GABRA4: variants seen among roughly 807,000 people sequenced by gnomAD.
The protein encoded by GABRA4 is gamma-aminobutyric acid type A receptor subunit alpha4.
GABRA4 carries 12 observed loss-of-function variants against 49.7 expected under a neutral mutation model. The observed-to-expected ratio is 0.24, with a 90% CI of 0.15 to 0.39. The LOEUF (loss-of-function observed/expected upper bound fraction) is 0.39, where lower values mean the gene tolerates loss of function less well. GABRA4 is among the 10% of genes least tolerant of loss of function. The pLI, the probability that GABRA4 is intolerant of heterozygous loss-of-function variation, is 1.00. For synonymous variants in GABRA4, 288 were observed against 240.2 expected, an observed-to-expected ratio of 1.20 and a Z score of -1.84; for missense variants, 506 against 686.0, an observed-to-expected ratio of 0.74 and a Z score of 2.93.
At chr4:46,988,775 CTT>C (rs1424296449) in intron 2 of GABRA4, among the ~76,000 whole-genome samples, 3 of 152,140 alleles carry the variant, frequency 2.0e-5, no homozygotes, top group African/African-American at 4.8e-5. Context: ...AAATTTGACT[CTT>C]GATAAACAGG....
intron 3 of GABRA4, 98 bp downstream of exon 3, chr4:46,978,933 G>A (rs1162037354): frequency 1.3e-6 from 1 of 792,472 alleles, no homozygotes; most frequent in African/African-American, 1.7e-5. Context: ...TAGGTTTCTG[G>A]CTTTGTGTGA....
chr4:46,977,276 AGGAGGAAGGGAG>A lies in GABRA4; in HGVS notation c.494+122_494+133del, dbSNP rs992717277. The A allele has an allele frequency of 1.3e-3, 428 of 339,866 alleles. 1 individual carries two copies. Among genetic ancestry groups the A allele is most frequent in the African/African-American group, 7.3e-3 (240 of 32,692 alleles). The allele number at this position is 339,866 out of a possible 1,614,324, so 21.1% of individuals were successfully genotyped here. A position where few individuals can be genotyped will look rare whatever the true frequency, so the allele number is the denominator to read the frequency against. On this transcript the variant is annotated intron_variant, in intron 4 of 8. Transcript: ENST00000264318. The stretch of plus-strand genomic sequence containing the variant: ...GGAAGAAAAGGAAGGAAGGAAGGGA[AGGAGGAAGGGAG>A]GGAGGAAGGGAGGGAGGAAGGGAGG...
At chr4:46,950,612 C>T (rs1722134222) in intron 8 of GABRA4, among the ~76,000 whole-genome samples, 1 of 151,692 alleles carries the variant, frequency 6.6e-6, no homozygotes, top group African/African-American at 2.4e-5. Flanking sequence ...ATCTCAGGCT[C>T]ATTTCTTCAT....
Position 46,925,426 on chromosome 4 carries a change from G to T in GABRA4, c.*2799C>A, listed in dbSNP as rs558083648. ...TATGTAGCAGTTAGTGGCCAACATG[G>T]ACTGCAGATACTAGGTCCTGAATAA... On this transcript the variant is annotated 3_prime_UTR_variant, in exon 9 of 9. Transcript: ENST00000264318. The T allele has an allele frequency of 6.6e-6, 1 of 151,944 alleles. No homozygotes were observed. Among genetic ancestry groups the T allele is most frequent in the African/African-American group, 2.4e-5 (1 of 41,508 alleles). 9.4% of individuals were successfully genotyped at this position (151,944 alleles called of 1,614,324 possible). A position where few individuals can be genotyped will look rare whatever the true frequency, so the allele number is the denominator to read the frequency against.
rs1720999958 is a variant in GABRA4, at chr4:46,920,883, T to C, written c.*7342A>G. The C allele has an allele frequency of 6.6e-6, 1 of 151,900 alleles. No individual in the cohort carries two copies. Among genetic ancestry groups the C allele is most frequent in the African/African-American group, 2.4e-5 (1 of 41,440 alleles). The allele number at this position is 151,900 out of a possible 1,614,324, so 9.4% of individuals were successfully genotyped here. ...TATTTAATTTATCCTTTACTACTTG[T>C]GTAACATAATCAACTCTGTCATAGC... On this transcript the variant is annotated 3_prime_UTR_variant, in exon 9 of 9. Transcript: ENST00000264318.
chr4:46,957,325 TC>T (rs1194662494), intron 8 of GABRA4, among the ~76,000 whole-genome samples: 1 of 151,924 alleles, frequency 6.6e-6, no homozygotes, highest in Non-Finnish European at 1.5e-5. Flanking sequence ...ATTTATACAT[TC>T]TTTTTTTAAC....
chr4:46,965,149 T>C lies in GABRA4; in HGVS notation c.955A>G (p.Met319Val), dbSNP rs1210193529. ...AAGCAGACAGCTATGAACCAGTCCA[T>C]GGCGGTAGCATAGGACACTTTGGGC... ...SLPKVSYATAMDWFIAVCFAF... is the reference protein window; with the variant it reads ...SLPKVSYATAVDWFIAVCFAF... The change falls in exon 8 of 9, where the codon ATG becomes GTG. Residue 319 changes from methionine (M) to valine (V), a missense_variant. Physicochemically the swap from Met to Val is conservative, Grantham distance 21. Coordinates refer to ENST00000264318, the MANE Select transcript of GABRA4 (RefSeq NM_000809.4). 6.2e-7 allele frequency: 1 copy of C among 1,611,738 alleles called. No homozygotes were observed. The highest frequency in any genetic ancestry group is 1.1e-5 in the South Asian group (1 of 90,908).
intron 8 of GABRA4, among the ~76,000 whole-genome samples, chr4:46,932,782 T>C (rs10024134): frequency 0.13 from 20,359 of 152,114 alleles, 1,479 homozygotes; most frequent in South Asian, 0.25. Flanking sequence ...TTTTAAAAAA[T>C]TGCCTATACG....
intron 7 of GABRA4, among the ~76,000 whole-genome samples, chr4:46,966,586 C>T (rs1722759852): frequency 6.6e-6 from 1 of 151,688 alleles, no homozygotes; most frequent in Non-Finnish European, 1.5e-5. Flanking sequence ...AAGATTGCTT[C>T]AGGTTTATAA....
intron 4 of GABRA4, 80 bp downstream of exon 4, chr4:46,977,330 A>AGGGAGGG (rs1723177400): frequency 1.9e-6 from 1 of 532,120 alleles, no homozygotes. Flanking sequence ...GGGAGGGAGG[A>AGGGAGGG]AGGAAGGAAG....
At chr4:46,978,188 C>T (rs1723210978) in intron 3 of GABRA4, among the ~76,000 whole-genome samples, 1 of 151,924 alleles carries the variant, frequency 6.6e-6, no homozygotes, top group Non-Finnish European at 1.5e-5. Context: ...GAGAGCACAA[C>T]TGTATGGATG....
chr4:46,965,551 C>T (rs1248484427), intron 7 of GABRA4, among the ~76,000 whole-genome samples: 5 of 151,770 alleles, frequency 3.3e-5, no homozygotes, highest in South Asian at 2.1e-4. Flanking sequence ...AAGCATGTAA[C>T]GCACGTAGCA....
intron 2 of GABRA4, among the ~76,000 whole-genome samples, chr4:46,988,097 A>C (rs1723606462): frequency 6.6e-6 from 1 of 152,092 alleles, no homozygotes; most frequent in Non-Finnish European, 1.5e-5. Context: ...GTTCTCTCTG[A>C]GAATTACTTT....
chr4:46,934,612 A>G (rs1721545772), intron 8 of GABRA4, among the ~76,000 whole-genome samples: 1 of 152,188 alleles, frequency 6.6e-6, no homozygotes, highest in Non-Finnish European at 1.5e-5. Context: ...AGGCACTGGG[A>G]TAAACTTTTG....
intron 7 of GABRA4, 60 bp from the exon 8 acceptor site, chr4:46,965,289 C>T (rs1029328859): frequency 3.7e-5 from 49 of 1,319,106 alleles, no homozygotes; most frequent in East Asian, 5.4e-5. Context: ...TAAAAAGCAC[C>T]GCCACCACCA....
intron 2 of GABRA4, among the ~76,000 whole-genome samples, chr4:46,981,165 A>C (rs184181129): frequency 9.2e-5 from 14 of 152,228 alleles, no homozygotes; most frequent in Admixed American, 2.0e-4. Context: ...TACAGTGTTC[A>C]TCTGTTTTCT....
At chr4:46,959,834 A>ATATATGTG (rs142211586) in intron 8 of GABRA4, among the ~76,000 whole-genome samples, 4 of 140,280 alleles carry the variant, frequency 2.9e-5, no homozygotes, top group Non-Finnish European at 4.6e-5. Flanking sequence ...ATATATATAT[A>ATATATGTG]TGTGTGTGTG....
chr4:46,959,499 G>A (rs1339669522), intron 8 of GABRA4, among the ~76,000 whole-genome samples: 2 of 151,808 alleles, frequency 1.3e-5, no homozygotes, highest in Non-Finnish European at 2.9e-5. Context: ...TGTGCCATTT[G>A]CACACAGCAT....
At chr4:46,993,253 G>C (rs1285332439) in intron 1 of GABRA4, 86 bp downstream of exon 1, 11 of 1,137,506 alleles carry the variant, frequency 9.7e-6, no homozygotes, top group Middle Eastern at 2.1e-4. Context: ...AGTCCACCCA[G>C]GGAGGAGCGA....
Sources: gnomAD v4.1 joint callset for allele counts (sites outside exome capture counted in the v4.1 genomes callset) on GRCh38, gnomAD v4.1.1 for gene constraint, MANE v1.5 for transcripts, NCBI Gene and HGNC (gene_info 2026-07-23, HGNC 2026-07-21) for gene names.